RLN2: variants seen among roughly 807,000 people sequenced by gnomAD.
RLN2 encodes the protein prorelaxin H2.
RLN2 carries 10 observed loss-of-function variants against 7.3 expected under a neutral mutation model. That is an observed-to-expected ratio of 1.36 (90% CI 0.84 to 2.31). RLN2 has a LOEUF of 2.31. RLN2 is among the 30% of genes most tolerant of loss of function. RLN2 has a pLI of 0.00. For missense variants in RLN2, 298 were observed against 217.6 expected, an observed-to-expected ratio of 1.37 and a Z score of -2.32; for synonymous variants, 103 against 82.3, an observed-to-expected ratio of 1.25 and a Z score of -1.36.
chr9:5,308,705 G>A (rs1816296547), upstream of RLN2, among the ~76,000 whole-genome samples: 1 of 151,966 alleles, frequency 6.6e-6, no homozygotes, highest in Non-Finnish European at 1.5e-5. Flanking sequence ...CCTGACATCT[G>A]GTAAAACTGG....
chr9:5,331,042 A>C, the RLN2 span, among the ~76,000 whole-genome samples: 3 of 151,978 alleles, frequency 2.0e-5, no homozygotes, highest in African/African-American at 7.3e-5. Flanking sequence ...CCCAAGACTA[A>C]ACCAGGAAGA....
the RLN2 span, among the ~76,000 whole-genome samples, chr9:5,316,082 G>C: frequency 6.6e-6 from 1 of 151,948 alleles, no homozygotes; most frequent in Non-Finnish European, 1.5e-5. Flanking sequence ...TCTCTGTTAA[G>C]TCATGTATAT....
Position 5,304,255 on chromosome 9 carries a change from G to A in RLN2, c.211+115C>T, listed in dbSNP as rs554879748. 555 of 674,804 alleles carry A rather than the reference G, an allele frequency of 8.2e-4. 7 individuals carry two copies. The African/African-American group carries it at 0.012, about 14-fold the overall frequency. 41.8% of individuals were successfully genotyped at this position (674,804 alleles called of 1,614,324 possible). ...GCCACGGCTGAGTAGGGGCTGAGCG[G>A]TGGCAGCCAATGAGATCTCGAGTCG... On this transcript the variant is annotated intron_variant, in intron 1 of 1. Coordinates refer to ENST00000381627, the MANE Select transcript of RLN2 (RefSeq NM_134441.3).
In RLN2 at chr9:5,300,268, T is replaced by C. The variant is rs61738987; in HGVS notation, c.388A>G (p.Lys130Glu). Reference sequence around the variant, plus strand: ...CTTTGTCTATTGCGAATAAGTTTCTTAAATTCTTCAAAGAGAAGACTGGAA... The same window carrying C: ...CTTTGTCTATTGCGAATAAGTTTCTCAAATTCTTCAAAGAGAAGACTGGAA... Reference protein sequence around the residue: ...KDSSLLFEEFKKLIRNRQSEA... With the variant: ...KDSSLLFEEFEKLIRNRQSEA... The change falls in exon 2 of 2, where the codon AAG (lysine) becomes GAG (glutamate). Residue 130 changes from lysine to glutamate, a missense_variant. By Grantham distance (56) the Lys-to-Glu change is moderately conservative. Coordinates refer to ENST00000381627, the MANE Select transcript of RLN2 (RefSeq NM_134441.3). 1.3e-3 allele frequency: 2,178 copies of C among 1,614,036 alleles called. 28 individuals carry two copies. The African/African-American group carries it at 0.025, about 19-fold the overall frequency.
chr9:5,308,569 A>G (rs1816293767), upstream of RLN2, among the ~76,000 whole-genome samples: 2 of 152,016 alleles, frequency 1.3e-5, no homozygotes, highest in Admixed American at 6.6e-5. Flanking sequence ...ACAATCACAT[A>G]TGGAACATCA....
the RLN2 span, among the ~76,000 whole-genome samples, chr9:5,323,507 T>C: frequency 6.6e-6 from 1 of 151,978 alleles, no homozygotes; most frequent in Non-Finnish European, 1.5e-5. Flanking sequence ...GCAGATTTTT[T>C]CCCTTTTCTT....
chr9:5,299,922 T>TA lies in RLN2; in HGVS notation c.*175dup, dbSNP rs1439464710. 2 of 440,080 alleles carry TA rather than the reference T, an allele frequency of 4.5e-6. No individual in the cohort carries two copies. Among genetic ancestry groups the TA allele is most frequent in the Non-Finnish European group, 7.9e-6 (2 of 251,970 alleles). The allele number at this position is 440,080 out of a possible 1,614,324, so 27.3% of individuals were successfully genotyped here. On this transcript the variant is annotated 3_prime_UTR_variant, in exon 2 of 2. Transcript: ENST00000381627. ...AAAGAACATTTTCTTACACATCAAA[T>TA]AAAAAAATCTAAACATCAACAAAGA...
the RLN2 span, among the ~76,000 whole-genome samples, chr9:5,332,035 G>C: frequency 6.6e-6 from 1 of 151,640 alleles, no homozygotes; most frequent in Non-Finnish European, 1.5e-5. Context: ...ATGGGATGAA[G>C]GCAAATGTCT....
chr9:5,337,329 T>G, the RLN2 span, among the ~76,000 whole-genome samples: 1 of 152,054 alleles, frequency 6.6e-6, no homozygotes, highest in African/African-American at 2.4e-5. Flanking sequence ...GGCTGTGTGT[T>G]TTGAACTTTT....
Position 5,300,326 on chromosome 9 carries a change from T to C in RLN2, c.330A>G (p.Pro110=), listed in dbSNP as rs1816088466. The change falls in exon 2 of 2, where the codon CCA becomes CCG. Residue 110 remains proline (P), a synonymous_variant. Transcript: ENST00000381627. ...LTLSEMQPAL[P]QLQQHVPVLK... The stretch of plus-strand genomic sequence containing the variant: ...ATACAGGTACATGTTGTTGTAGCTG[T>C]GGTAATGCTGGCTGCATCTCAGACA... 13 of 1,613,856 alleles carry C rather than the reference T, an allele frequency of 8.1e-6. No individual in the cohort carries two copies. In the East Asian group the frequency reaches 2.0e-4, roughly 25 times the overall value.
At chr9:5,333,986 C>T in the RLN2 span, among the ~76,000 whole-genome samples, 1 of 152,008 alleles carries the variant, frequency 6.6e-6, no homozygotes, top group Non-Finnish European at 1.5e-5. Context: ...ATGTTAAAAA[C>T]TCTCAATAAA....
At chr9:5,334,449 G>A in the RLN2 span, among the ~76,000 whole-genome samples, 1 of 152,016 alleles carries the variant, frequency 6.6e-6, no homozygotes, top group African/African-American at 2.4e-5. Flanking sequence ...AAAATAGCAA[G>A]TTGATAGCTA....
chr9:5,329,533 A>G, the RLN2 span, among the ~76,000 whole-genome samples: 1 of 151,396 alleles, frequency 6.6e-6, no homozygotes, highest in African/African-American at 2.4e-5. Context: ...AAAGACACAC[A>G]TAGGCTCAAA....
At chr9:5,311,252 T>G in the RLN2 span, among the ~76,000 whole-genome samples, 4 of 151,858 alleles carry the variant, frequency 2.6e-5, no homozygotes, top group Non-Finnish European at 5.9e-5. Flanking sequence ...TTATTTCACA[T>G]GTACAAGATG....
chr9:5,302,284 C>T (rs1816164239), intron 1 of RLN2, among the ~76,000 whole-genome samples: 1 of 152,122 alleles, frequency 6.6e-6, no homozygotes, highest in East Asian at 1.9e-4. Context: ...CCCTTATTCA[C>T]TTATTATTTT....
chr9:5,325,709 A>C, the RLN2 span, among the ~76,000 whole-genome samples: 3 of 152,168 alleles, frequency 2.0e-5, no homozygotes, highest in South Asian at 2.1e-4. Flanking sequence ...GTTTGATGTA[A>C]ATTTGTTAAT....
the RLN2 span, chr9:5,335,655 GA>G: frequency 2.0e-6 from 2 of 1,024,266 alleles, no homozygotes; most frequent in South Asian, 3.2e-5. Flanking sequence ...AGAGCATTCA[GA>G]AAAACTGTGA....
the RLN2 span, among the ~76,000 whole-genome samples, chr9:5,316,007 G>C: frequency 6.6e-6 from 1 of 151,808 alleles, no homozygotes; most frequent in Non-Finnish European, 1.5e-5. Context: ...ATATAAGAGA[G>C]TATCAAATTC....
At chr9:5,329,288 C>T in the RLN2 span, among the ~76,000 whole-genome samples, 6 of 115,906 alleles carry the variant, frequency 5.2e-5, no homozygotes, top group Admixed American at 1.2e-4. Flanking sequence ...CCGGCCTGGG[C>T]GACAGAGCGA....
Sources: allele counts gnomAD v4.1 joint callset (sites outside exome capture counted in the v4.1 genomes callset), GRCh38; gene constraint gnomAD v4.1.1; transcripts MANE v1.5; gene names NCBI Gene and HGNC (gene_info 2026-07-23, HGNC 2026-07-21).